Variants in MDFI observed in about 807,000 individuals in gnomAD.
MDFI encodes the protein MyoD family inhibitor, also known as inhibitor of MyoD family a.
MDFI carries 16 observed loss-of-function variants against 22.3 expected under a neutral mutation model. The ratio of observed to expected loss-of-function variants is 0.72; its 90% confidence interval spans 0.49 to 1.09. MDFI has a LOEUF of 1.09. MDFI is among the 50% of genes least tolerant of loss of function. The pLI is 0.00. For synonymous variants in MDFI, 145 were observed against 142.7 expected, an observed-to-expected ratio of 1.02 and a Z score of -0.12; for missense variants, 314 against 326.1, an observed-to-expected ratio of 0.96 and a Z score of 0.29.
chr6:41,644,718 T>C (rs1767982524), intron 2 of MDFI, among the ~76,000 whole-genome samples: 1 of 151,844 alleles, frequency 6.6e-6, no homozygotes, highest in Non-Finnish European at 1.5e-5. Flanking sequence ...TCTCTTTGCC[T>C]CTCTCCCCCA....
At chr6:41,645,063 C>T (rs72863070) in intron 2 of MDFI, among the ~76,000 whole-genome samples, 13,566 of 152,136 alleles carry the variant, frequency 0.089, 692 homozygotes, top group South Asian at 0.15. Flanking sequence ...CTCCTTGCTC[C>T]TTCTCCCAAC....
intron 4 of MDFI, among the ~76,000 whole-genome samples, chr6:41,650,713 A>G (rs777865602): frequency 4.6e-5 from 7 of 151,636 alleles, no homozygotes; most frequent in Non-Finnish European, 8.8e-5. Context: ...AGCTGGAACT[A>G]CAGGCGCGTC....
chr6:41,643,689 GAA>G (rs1243667154), intron 2 of MDFI, among the ~76,000 whole-genome samples: 1 of 151,580 alleles, frequency 6.6e-6, no homozygotes, highest in African/African-American at 2.4e-5. Context: ...AGGAAGGAAA[GAA>G]GAGAGGAAGG....
At chr6:41,645,969 C>T (rs1014917729) in intron 2 of MDFI, among the ~76,000 whole-genome samples, 157 bp from the exon 3 acceptor site, 2 of 152,170 alleles carry the variant, frequency 1.3e-5, no homozygotes, top group Non-Finnish European at 2.9e-5. Flanking sequence ...TTTTGGAGCC[C>T]GGTGCTGTTG....
intron 2 of MDFI, chr6:41,639,965 G>A: frequency 1.0e-6 from 1 of 964,634 alleles, no homozygotes; most frequent in Non-Finnish European, 1.2e-6. Flanking sequence ...CTAAACCAGA[G>A]TGAGGACAAG....
intron 3 of MDFI, among the ~76,000 whole-genome samples, chr6:41,646,877 T>C (rs889133204): frequency 2.6e-5 from 4 of 152,206 alleles, no homozygotes; most frequent in African/African-American, 9.7e-5. Context: ...TTTCCAACTT[T>C]CTTTCCCTGA....
At chr6:41,642,968 C>T (rs540935120) in intron 2 of MDFI, among the ~76,000 whole-genome samples, 14 of 152,258 alleles carry the variant, frequency 9.2e-5, no homozygotes, top group Admixed American at 9.2e-4. Context: ...TTGCCTTCCT[C>T]CCTCTCTAAC....
intron 2 of MDFI, among the ~76,000 whole-genome samples, chr6:41,640,887 T>C (rs963025118): frequency 6.6e-6 from 1 of 152,236 alleles, no homozygotes; most frequent in Non-Finnish European, 1.5e-5. Context: ...TTGCCCAGCA[T>C]TGGGGCGTCA....
intron 2 of MDFI, chr6:41,639,924 T>G (rs896786642): frequency 1.0e-6 from 1 of 985,328 alleles, no homozygotes; most frequent in African/African-American, 1.7e-5. Flanking sequence ...CTACTTGGTA[T>G]GGACGCCTAG....
At position 41,653,692 on chromosome 6, in the gene MDFI, C is replaced by A; in HGVS notation, c.*117C>A. 7.6e-7 allele frequency: 1 copy of A among 1,311,460 alleles called. No individual in the cohort carries two copies. Among genetic ancestry groups the A allele is most frequent in the Non-Finnish European group, 1.0e-6 (1 of 955,938 alleles). The allele number at this position is 1,311,460 out of a possible 1,614,324, so 81.2% of individuals were successfully genotyped here. ...CTTGAGAAGCCCCCTCTCCCTGGTC[C>A]TCTCCTACCCACCCATGTCCTCTCA... is the stretch of plus-strand genomic sequence containing the variant. On this transcript the variant is annotated 3_prime_UTR_variant, in exon 5 of 5. Transcript: ENST00000230321. This position sits in a 1 kb window ranked among gnomAD's most constrained non-coding sequence, Gnocchi z 4.2.
chr6:41,648,483 G>A (rs1246769738), intron 3 of MDFI, among the ~76,000 whole-genome samples: 6 of 152,180 alleles, frequency 3.9e-5, no homozygotes, highest in African/African-American at 7.2e-5. Context: ...AGCCAAGGGA[G>A]GCACCGAGGC....
intron 2 of MDFI, chr6:41,639,597 C>T (rs576459486): frequency 1.0e-6 from 1 of 985,426 alleles, no homozygotes; most frequent in East Asian, 1.1e-4. Context: ...CCGAAGCTCC[C>T]AAATGGAAGT....
rs566560508 is a variant in MDFI at position 41,641,915 on chromosome 6, C to T, written c.76+3090C>T. On this transcript the variant is annotated intron_variant, in intron 2 of 4. Coordinates refer to ENST00000230321, the MANE Select transcript of MDFI (RefSeq NM_005586.4). ...GGCAAGCAGAGAGAACCCACAGAGT[C>T]CTTGCTGAGGGTGTGAGTCTCGGCC... is the stretch of plus-strand genomic sequence containing the variant. 9.6e-4 allele frequency among the ~76,000 whole-genome samples: 146 copies of T among 152,262 alleles called. 1 individual carries two copies. The highest frequency in any genetic ancestry group is 8.8e-4 in the Non-Finnish European group (60 of 68,016).
At chr6:41,640,085 G>GC (rs1767794804) in intron 2 of MDFI, among the ~76,000 whole-genome samples, 1 of 152,244 alleles carries the variant, frequency 6.6e-6, no homozygotes, top group African/African-American at 2.4e-5. Context: ...CTGCAACGGG[G>GC]CCTTCTGCAG....
At chr6:41,648,019 G>C (rs370997258) in intron 3 of MDFI, among the ~76,000 whole-genome samples, 1 of 133,952 alleles carries the variant, frequency 7.5e-6, no homozygotes. Context: ...ACTCTGGCCT[G>C]GGCACGGAGC....
At position 41,646,179 on chromosome 6, in the gene MDFI, C is replaced by CCTG. The variant is rs1364468316; in HGVS notation, c.132_134dup (p.Ala45dup). 1 of 1,588,602 alleles carries CCTG rather than the reference C, an allele frequency of 6.3e-7. No individual in the cohort carries two copies. The highest frequency in any genetic ancestry group is 8.6e-7 in the Non-Finnish European group (1 of 1,167,912). On this transcript the variant is annotated inframe_insertion, in exon 3 of 5. Coordinates refer to ENST00000230321, the MANE Select transcript of MDFI (RefSeq NM_005586.4). ...GGAGGTAGTAACAGGATCCACTCACCCTGCGGAGGCAGCACCAGAGGAGGG... is the reference window on the plus strand; with the variant it reads ...GGAGGTAGTAACAGGATCCACTCACCCTGCTGCGGAGGCAGCACCAGAGGAGGG...
upstream of MDFI, among the ~76,000 whole-genome samples, chr6:41,637,618 CCTGAACCCT>C (rs1387330112): frequency 6.6e-6 from 1 of 152,094 alleles, no homozygotes; most frequent in Non-Finnish European, 1.5e-5. The surrounding 1 kb of genome is among the most constrained non-coding windows in gnomAD (Gnocchi z 6.8). Context: ...GCTGAGGGCC[CCTGAACCCT>C]CTTGGACTGC....
Position 41,653,598 on chromosome 6 carries a change from G to A in MDFI, c.*23G>A, listed in dbSNP as rs980673469. 8.8e-6 allele frequency: 14 copies of A among 1,597,446 alleles called. No individual in the cohort carries two copies. The highest frequency in any genetic ancestry group is 8.5e-7 in the Non-Finnish European group (1 of 1,178,214). ...TGAGCCTCTGTCGGGGGCTAAGCCAGCCTGGCGCCCCTGCAGATTCCAGCA... is the reference window on the plus strand; with the variant it reads ...TGAGCCTCTGTCGGGGGCTAAGCCAACCTGGCGCCCCTGCAGATTCCAGCA... On this transcript the variant is annotated 3_prime_UTR_variant, in exon 5 of 5. Transcript: ENST00000230321. The surrounding 1 kb of genome is among the most constrained non-coding windows in gnomAD (Gnocchi z 4.2).
At chr6:41,646,896 A>T (rs1768072939) in intron 3 of MDFI, among the ~76,000 whole-genome samples, 2 of 152,294 alleles carry the variant, frequency 1.3e-5, no homozygotes, top group South Asian at 2.1e-4. Flanking sequence ...GAGTGGGCTC[A>T]CTTGCTCTCC....
Sources: gnomAD v4.1 joint callset for allele counts (sites outside exome capture counted in the v4.1 genomes callset) on GRCh38, gnomAD v4.1.1 for gene constraint, Gnocchi (gnomAD v3.1) non-coding constraint, MANE v1.5 for transcripts, NCBI Gene and HGNC (gene_info 2026-07-23, HGNC 2026-07-21) for gene names.